Variants in CCDC57 observed in about 807,000 individuals in gnomAD.
CCDC57 encodes coiled-coil domain-containing protein 57.
A neutral mutation model predicts 118.9 loss-of-function variants in CCDC57; 118 were observed. The observed-to-expected ratio is 0.99, with a 90% CI of 0.86 to 1.16. The LOEUF is 1.16. CCDC57 is among the 50% of genes most tolerant of loss of function. CCDC57 has a pLI of 0.00. For synonymous variants in CCDC57, 527 were observed against 532.9 expected (o/e 0.99, Z 0.15); for missense variants, 1,300 against 1,320.7 (o/e 0.98, Z 0.24).
chr17:82,153,738 C>T (rs1223742825), intron 15 of CCDC57: 1 of 152,248 alleles, frequency 6.6e-6, no homozygotes, highest in African/African-American at 2.4e-5. Flanking sequence ...GGGCTGCCCA[C>T]CCCCAGCAGG....
At position 82,168,804 on chromosome 17, in the gene CCDC57, A is replaced by C. The variant is rs1467234166; in HGVS notation, c.1882+2897T>G. Among the ~76,000 whole-genome samples the C allele has an allele frequency of 1.2e-3, 180 of 145,734 alleles. 2 individuals are homozygous for C. Among genetic ancestry groups the C allele is most frequent in the African/African-American group, 4.1e-3 (165 of 39,940 alleles). The stretch of plus-strand genomic sequence containing the variant: ...GGGTCAATTATCCTAAAAAAAAAAA[A>C]CCCTAAATGTATACACATCTAACAA... On this transcript the variant is annotated intron_variant, in intron 13 of 19. Coordinates refer to ENST00000665763, the Ensembl canonical transcript of CCDC57.
At chr17:82,126,568 C>G in intron 19 of CCDC57, 2 of 985,290 alleles carry the variant, frequency 2.0e-6, no homozygotes, top group Non-Finnish European at 2.4e-6. Context: ...GACCTCCCAG[C>G]AGAGGCGCTG....
chr17:82,157,505 G>GC lies in CCDC57; in HGVS notation c.2241+242dup, dbSNP rs924311349. On this transcript the variant is annotated intron_variant, in intron 15 of 19. Coordinates refer to ENST00000665763, the Ensembl canonical transcript of CCDC57. ...GGGAGGACTGGGATGGGCCCGTCCC[G>GC]CCCCCCACCAACGGGGCATCAAGGT... 14 of 1,421,036 alleles carry GC rather than the reference G, an allele frequency of 9.9e-6. No homozygotes were observed. In the East Asian group the frequency reaches 1.8e-4, roughly 18 times the overall value. The allele number at this position is 1,421,036 out of a possible 1,614,324, so 88.0% of individuals were successfully genotyped here. A position where few individuals can be genotyped will look rare whatever the true frequency, so the allele number is the denominator to read the frequency against.
chr17:82,209,766 C>T (rs1488349833), intron 1 of CCDC57, among the ~76,000 whole-genome samples: 1 of 152,120 alleles, frequency 6.6e-6, no homozygotes, highest in Non-Finnish European at 1.5e-5. Context: ...GGACTACAGG[C>T]GTGAGCCACT....
At chr17:82,157,421 A>C in intron 15 of CCDC57, 1 of 1,304,182 alleles carries the variant, frequency 7.7e-7, no homozygotes, top group Non-Finnish European at 9.8e-7. Flanking sequence ...CCCTGCATTA[A>C]AGCAAACATG....
chr17:82,208,177 CG>C (rs2049890394), intron 1 of CCDC57: 1 of 150,800 alleles, frequency 6.6e-6, no homozygotes, highest in Non-Finnish European at 1.5e-5. Flanking sequence ...CCCAAAGGGC[CG>C]GGCGCAGGTG....
intron 16 of CCDC57, among the ~76,000 whole-genome samples, chr17:82,144,586 A>G (rs201983921): frequency 9.3e-5 from 4 of 43,212 alleles, no homozygotes; most frequent in African/African-American, 3.5e-4. Context: ...CCACTGTGGT[A>G]AACAGGGAAC....
At position 82,157,931 on chromosome 17, in the gene CCDC57, C is replaced by T. The variant is rs747545285; in HGVS notation, c.2058G>A (p.Leu686=). 9.6e-6 allele frequency: 15 copies of T among 1,556,362 alleles called. No individual in the cohort carries two copies. In the Admixed American group the frequency reaches 1.3e-4, roughly 14 times the overall value. Reference sequence around the variant, plus strand: ...GCTCACGCTGGAGAGCGGCCGGCTCCAGGGGTTCCCGCAGCACCTAGGGGT... The same window carrying T: ...GCTCACGCTGGAGAGCGGCCGGCTCTAGGGGTTCCCGCAGCACCTAGGGGT... The change falls in exon 15 of 20, where the codon CTG becomes CTA. Residue 686 remains leucine (L), a synonymous_variant. Transcript: ENST00000665763.
intron 1 of CCDC57, among the ~76,000 whole-genome samples, chr17:82,209,393 TAAAATC>T (rs2050015593): frequency 6.6e-6 from 1 of 152,180 alleles, no homozygotes; most frequent in South Asian, 2.1e-4. Context: ...CAAAAAAACT[TAAAATC>T]AGTAAGGACT....
intron 19 of CCDC57, among the ~76,000 whole-genome samples, chr17:82,109,605 C>T (rs2035105587): frequency 6.6e-6 from 1 of 152,146 alleles, no homozygotes; most frequent in Admixed American, 6.5e-5. Flanking sequence ...CACCTGTGAT[C>T]CCAGCACTTT....
In CCDC57 at chr17:82,201,442, G is replaced by A. The variant is rs906458493; in HGVS notation, c.407+96C>T. 2.2e-6 allele frequency: 3 copies of A among 1,381,510 alleles called. No individual in the cohort carries two copies. The African/African-American group carries it at 4.3e-5, about 20-fold the overall frequency. The allele number at this position is 1,381,510 out of a possible 1,614,324, so 85.6% of individuals were successfully genotyped here. A position where few individuals can be genotyped will look rare whatever the true frequency, so the allele number is the denominator to read the frequency against. ...AATCAGCAGCGGGAGGAGGGGCAGT[G>A]AGAGTGGGCAGTGCTCGGGCAGCAC... is the stretch of plus-strand genomic sequence containing the variant. On this transcript the variant is annotated intron_variant, in intron 3 of 19. Coordinates refer to ENST00000665763, the Ensembl canonical transcript of CCDC57.
exon 3 of CCDC57, chr17:82,201,550 T>G: frequency 6.2e-7 from 1 of 1,606,554 alleles, no homozygotes; most frequent in Non-Finnish European, 8.5e-7. Flanking sequence ...GTGGACGCGC[T>G]CCAGCTCCAG....
rs55713414 is a variant in CCDC57, at chr17:82,199,477, CA to C, written c.408-1056del. 1.3e-3 allele frequency among the ~76,000 whole-genome samples: 117 copies of C among 87,576 alleles called. 1 individual carries two copies. The highest frequency in any genetic ancestry group is 1.2e-3 in the Non-Finnish European group (57 of 46,288). The allele number at this position is 87,576 out of a possible 152,430, so 57.5% of individuals were successfully genotyped here. On this transcript the variant is annotated intron_variant, in intron 3 of 19. Coordinates refer to ENST00000665763, the Ensembl canonical transcript of CCDC57. The stretch of plus-strand genomic sequence containing the variant: ...TGGGCGACAGAGCAAGACTCTGTCT[CA>C]AAAAAAAAAAAAGAGTGTGAGACTG...
At chr17:82,175,476 T>G (rs1382448910) in intron 11 of CCDC57, 1 of 152,366 alleles carries the variant, frequency 6.6e-6, no homozygotes. Context: ...AGTCACCCTT[T>G]GCTCACTGAG....
intron 16 of CCDC57, among the ~76,000 whole-genome samples, chr17:82,149,265 G>T (rs2041515538): frequency 6.7e-6 from 1 of 149,226 alleles, no homozygotes; most frequent in South Asian, 2.1e-4. Flanking sequence ...GGATGGGGGG[G>T]GTGGGTGAAT....
In CCDC57 at chr17:82,172,694, T is replaced by C. The variant is rs1211397477; in HGVS notation, c.1673A>G (p.Glu558Gly). 3.2e-6 allele frequency: 5 copies of C among 1,563,070 alleles called. No homozygotes were observed. The highest frequency in any genetic ancestry group is 4.3e-6 in the Non-Finnish European group (5 of 1,153,682). The change falls in exon 12 of 20, where the codon GAG (glutamate) becomes GGG (glycine). Residue 558 changes from glutamate (E) to glycine (G), a missense_variant. Coordinates refer to ENST00000665763, the Ensembl canonical transcript of CCDC57. This position sits in a 1 kb window ranked among gnomAD's most constrained non-coding sequence, Gnocchi z 5.2. ...GTCAGGCTGGTTTGCATCTGTGCTCTCTGCCGCTGTCTGGATGGGAGGAGG... is the reference window on the plus strand; with the variant it reads ...GTCAGGCTGGTTTGCATCTGTGCTCCCTGCCGCTGTCTGGATGGGAGGAGG...
At chr17:82,201,805 T>C (rs762220233) in exon 3 of CCDC57, 3 of 1,613,558 alleles carry the variant, frequency 1.9e-6, no homozygotes, top group South Asian at 1.1e-5. Flanking sequence ...CAGTTTCCCC[T>C]GCGCCTCCTC....
At chr17:82,114,719 G>A (rs754197937) in intron 19 of CCDC57, among the ~76,000 whole-genome samples, 16 of 152,240 alleles carry the variant, frequency 1.1e-4, no homozygotes, top group Non-Finnish European at 2.1e-4. Flanking sequence ...ACCCCCAGGC[G>A]TGGTCCCACT....
At chr17:82,159,377 C>T (rs546094154) in intron 14 of CCDC57, among the ~76,000 whole-genome samples, 1 of 152,316 alleles carries the variant, frequency 6.6e-6, no homozygotes, top group East Asian at 1.9e-4. Context: ...TGCAAAGCAT[C>T]GGGGATCTGG....
Sources: allele counts gnomAD v4.1 joint callset (sites outside exome capture counted in the v4.1 genomes callset), GRCh38; gene constraint gnomAD v4.1.1; non-coding constraint Gnocchi (gnomAD v3.1); transcripts MANE v1.5; gene names NCBI Gene and HGNC (gene_info 2026-07-23, HGNC 2026-07-21).